Variants in ADGRL3 observed in about 807,000 individuals in gnomAD.
ADGRL3 encodes the protein calcium-independent alpha-latrotoxin receptor 3.
A neutral mutation model predicts 153.5 loss-of-function variants in ADGRL3; 62 were observed. The observed-to-expected ratio is 0.40, with a 90% CI of 0.33 to 0.50. ADGRL3 has a LOEUF of 0.50. Among genes scored for constraint, ADGRL3 ranks in the 20% least tolerant of loss-of-function variants. The pLI is 0.47. For missense variants in ADGRL3, 1,641 were observed against 1,859.4 expected (o/e 0.88, Z 2.16); for synonymous variants, 710 against 672.5 (o/e 1.06, Z -0.86).
chr4:61,477,056 C>G (rs1320030220), intron 2 of ADGRL3, among the ~76,000 whole-genome samples: 2 of 151,828 alleles, frequency 1.3e-5, no homozygotes, highest in African/African-American at 2.4e-5. Context: ...GAAAAAAGCA[C>G]CATTCAGAAA....
chr4:61,538,165 T>G (rs955171601), intron 4 of ADGRL3, among the ~76,000 whole-genome samples: 11 of 152,154 alleles, frequency 7.2e-5, no homozygotes, highest in Non-Finnish European at 1.3e-4. Context: ...AAATAAAAAC[T>G]TTTTTCCCCT....
intron 8 of ADGRL3, among the ~76,000 whole-genome samples, chr4:61,736,614 T>C (rs938027751): frequency 6.6e-6 from 1 of 151,660 alleles, no homozygotes; most frequent in Non-Finnish European, 1.5e-5. Context: ...GCTGAGGTTG[T>C]GCCACTGCAC....
chr4:61,841,706 A>G (rs959071863), intron 9 of ADGRL3, among the ~76,000 whole-genome samples: 9 of 152,232 alleles, frequency 5.9e-5, no homozygotes, highest in African/African-American at 7.2e-5. Flanking sequence ...AGTAAAATAA[A>G]TTACTTATCA....
chr4:61,781,203 G>A (rs2097208857), intron 8 of ADGRL3, among the ~76,000 whole-genome samples: 1 of 151,900 alleles, frequency 6.6e-6, no homozygotes, highest in South Asian at 2.1e-4. Context: ...GTGCATGCCT[G>A]TAATCCCAGC....
chr4:62,070,189 A>G lies in ADGRL3; in HGVS notation c.3913A>G (p.Ile1305Val), dbSNP rs755728023. The G allele has an allele frequency of 5.0e-6, 8 of 1,614,050 alleles. No individual in the cohort carries two copies. The African/African-American group carries it at 6.7e-5, about 13-fold the overall frequency. Residue 1305 changes from isoleucine to valine, a missense_variant, in exon 27 of 27, where the codon ATT becomes GTT. Coordinates refer to ENST00000683033, the MANE Select transcript of ADGRL3 (RefSeq NM_001387552.1). ...LNGNHGNSYS[I>V]ASGEYLSNCV... is the part of the protein sequence containing the mutation. ...TGGTAACCATGGCAATAGTTACAGC[A>G]TTGCCAGCGGCGAATACCTGAGCAA...
intron 12 of ADGRL3, among the ~76,000 whole-genome samples, chr4:61,910,271 A>C (rs2149819931): frequency 6.6e-6 from 1 of 152,042 alleles, no homozygotes; most frequent in African/African-American, 2.4e-5. Flanking sequence ...GCAAGAAATT[A>C]ATTTCTACTT....
In ADGRL3 at chr4:61,735,876, C is replaced by T. The variant is rs531379713; in HGVS notation, c.1399+2322C>T. Reference sequence around the variant, plus strand: ...CTCAGTTTTATTAAGTTGTCTTTAACGAATAAGATGGTACCAAGTTCTTAA... The same window carrying T: ...CTCAGTTTTATTAAGTTGTCTTTAATGAATAAGATGGTACCAAGTTCTTAA... On this transcript the variant is annotated intron_variant, in intron 8 of 26. Transcript: ENST00000683033. Among the ~76,000 whole-genome samples the T allele has an allele frequency of 8.6e-5, 13 of 152,030 alleles. No homozygotes were observed. In the South Asian group the frequency reaches 2.1e-3, roughly 24 times the overall value.
At chr4:61,453,231 A>G (rs1435411640) in intron 2 of ADGRL3, among the ~76,000 whole-genome samples, 1 of 152,096 alleles carries the variant, frequency 6.6e-6, no homozygotes, top group East Asian at 1.9e-4. Flanking sequence ...AAGAATTGGT[A>G]ACATGTGAGA....
At chr4:61,821,133 A>T (rs1268556952) in intron 9 of ADGRL3, among the ~76,000 whole-genome samples, 1 of 150,998 alleles carries the variant, frequency 6.6e-6, no homozygotes, top group East Asian at 2.0e-4. Flanking sequence ...AATCCATTAT[A>T]GAAATTCTTC....
chr4:62,009,087 G>A (rs1450419363), intron 21 of ADGRL3, among the ~76,000 whole-genome samples: 2 of 152,042 alleles, frequency 1.3e-5, no homozygotes, highest in African/African-American at 4.8e-5. Flanking sequence ...ACACTACTAC[G>A]AAATCACCTA....
intron 1 of ADGRL3, among the ~76,000 whole-genome samples, chr4:61,325,338 C>T (rs2095443011): frequency 6.6e-6 from 1 of 151,876 alleles, no homozygotes; most frequent in African/African-American, 2.4e-5. Flanking sequence ...AACAAATGAA[C>T]AAAAAATAGC....
intron 25 of ADGRL3, among the ~76,000 whole-genome samples, chr4:62,067,023 T>C (rs930866351): frequency 9.2e-5 from 14 of 152,136 alleles, no homozygotes; most frequent in African/African-American, 3.4e-4. Context: ...GAATGAGCCA[T>C]AATGAGCCTG....
At chr4:61,524,371 A>T (rs1733215129) in intron 4 of ADGRL3, among the ~76,000 whole-genome samples, 1 of 152,066 alleles carries the variant, frequency 6.6e-6, no homozygotes, top group African/African-American at 2.4e-5. Flanking sequence ...AAATTTGGCC[A>T]GGTGTTCTAA....
At chr4:61,382,630 T>C (rs1196604749) in intron 1 of ADGRL3, among the ~76,000 whole-genome samples, 1 of 151,752 alleles carries the variant, frequency 6.6e-6, no homozygotes, top group Non-Finnish European at 1.5e-5. Flanking sequence ...TGTGAATAAA[T>C]AGATTACAGT....
intron 11 of ADGRL3, among the ~76,000 whole-genome samples, chr4:61,908,682 T>C (rs550885683): frequency 6.6e-6 from 1 of 152,272 alleles, no homozygotes; most frequent in South Asian, 2.1e-4. Flanking sequence ...ATTTTTACTT[T>C]GTACACTTTT....
rs149818285 is a variant in ADGRL3, at chr4:61,849,321, T to C, written c.1480+35432T>C. On this transcript the variant is annotated intron_variant, in intron 9 of 26. Coordinates refer to ENST00000683033, the MANE Select transcript of ADGRL3 (RefSeq NM_001387552.1). ...ATTGCAGTTTAAGTCCAATGATTTT[T>C]AGCAGTGCATTACCAATGAAGTATT... 1.7e-3 allele frequency among the ~76,000 whole-genome samples: 255 copies of C among 152,268 alleles called. 1 individual carries two copies. The highest frequency in any genetic ancestry group is 5.5e-3 in the African/African-American group (230 of 41,576).
At chr4:61,910,439 T>A (rs116754508) in intron 12 of ADGRL3, among the ~76,000 whole-genome samples, 2,729 of 140,010 alleles carry the variant, frequency 0.019, 88 homozygotes, top group African/African-American at 0.063. Flanking sequence ...TTTACATAAA[T>A]GAAATAGGCA....
At chr4:61,294,196 C>T (rs942390512) in intron 1 of ADGRL3, among the ~76,000 whole-genome samples, 2 of 152,128 alleles carry the variant, frequency 1.3e-5, no homozygotes, top group South Asian at 2.1e-4. Context: ...GTCAGCCCTG[C>T]GATCACGAGG....
chr4:61,358,540 T>G (rs1481392643), intron 1 of ADGRL3, among the ~76,000 whole-genome samples: 11 of 132,936 alleles, frequency 8.3e-5, no homozygotes, highest in Admixed American at 3.9e-4. Context: ...GAGCTTGCAG[T>G]GAGTGGAGAT....
Sources: gnomAD v4.1 joint callset for allele counts (sites outside exome capture counted in the v4.1 genomes callset) on GRCh38, gnomAD v4.1.1 for gene constraint, MANE v1.5 for transcripts, NCBI Gene and HGNC (gene_info 2026-07-23, HGNC 2026-07-21) for gene names.